SIPA1L1: variants seen among roughly 807,000 people sequenced by gnomAD.
SIPA1L1 encodes the protein signal-induced proliferation-associated 1-like protein 1.
A neutral mutation model predicts 162.7 loss-of-function variants in SIPA1L1; 26 were observed. That is an observed-to-expected ratio of 0.16 (90% CI 0.12 to 0.22). The LOEUF (loss-of-function observed/expected upper bound fraction) is 0.22, where lower values mean the gene tolerates loss of function less well. Among genes scored for constraint, SIPA1L1 ranks in the 10% least tolerant of loss-of-function variants. The pLI, the probability that SIPA1L1 is intolerant of heterozygous loss-of-function variation, is 1.00. For synonymous variants in SIPA1L1, 829 were observed against 837.4 expected (o/e 0.99, Z 0.17); for missense variants, 1,874 against 2,241.0 (o/e 0.84, Z 3.31).
chr14:71,639,267 A>T (rs2041464803), intron 7 of SIPA1L1, among the ~76,000 whole-genome samples: 1 of 152,134 alleles, frequency 6.6e-6, no homozygotes, highest in African/African-American at 2.4e-5. Flanking sequence ...AAATTTAACC[A>T]GGCATGGTGG....
chr14:71,663,273 C>T (rs2043701392), intron 10 of SIPA1L1, among the ~76,000 whole-genome samples: 1 of 152,100 alleles, frequency 6.6e-6, no homozygotes, highest in African/African-American at 2.4e-5. Context: ...TGACATCTTA[C>T]ATGGTTTTTT....
chr14:71,410,511 G>T (rs556828643), intron 2 of SIPA1L1, among the ~76,000 whole-genome samples: 2 of 152,266 alleles, frequency 1.3e-5, no homozygotes, highest in African/African-American at 4.8e-5. Context: ...CTTGGGACCG[G>T]AAGTGTTTAG....
At chr14:71,687,440 C>T (rs1238646061) in intron 13 of SIPA1L1, among the ~76,000 whole-genome samples, 2 of 152,170 alleles carry the variant, frequency 1.3e-5, no homozygotes, top group African/African-American at 2.4e-5. Flanking sequence ...CCTTTTCCCC[C>T]ACCTCAGTGC....
intron 2 of SIPA1L1, among the ~76,000 whole-genome samples, chr14:71,416,951 G>A (rs1399255081): frequency 6.6e-6 from 1 of 151,812 alleles, no homozygotes; most frequent in African/African-American, 2.4e-5. Context: ...TGGTCTCACT[G>A]TGTTGCCCAG....
chr14:71,428,889 G>A (rs1472218722), intron 2 of SIPA1L1, among the ~76,000 whole-genome samples: 1 of 152,166 alleles, frequency 6.6e-6, no homozygotes, highest in East Asian at 1.9e-4. Context: ...TGCAACTACG[G>A]TAAGAGCCAA....
At chr14:71,341,173 A>G (rs1594895868) in intron 2 of SIPA1L1, among the ~76,000 whole-genome samples, 2 of 152,222 alleles carry the variant, frequency 1.3e-5, no homozygotes, top group Admixed American at 1.3e-4. Flanking sequence ...TTTAATATGA[A>G]TAGCTAGGTG....
chr14:71,619,907 C>G (rs2039241652), intron 6 of SIPA1L1, among the ~76,000 whole-genome samples: 1 of 152,176 alleles, frequency 6.6e-6, no homozygotes. Context: ...GAGAAATGAA[C>G]TAACATACTC....
At chr14:71,673,696 T>C (rs1045405457) in intron 12 of SIPA1L1, among the ~76,000 whole-genome samples, 3 of 152,216 alleles carry the variant, frequency 2.0e-5, no homozygotes, top group Non-Finnish European at 2.9e-5. Flanking sequence ...TATGTCAAAA[T>C]ATAGAAAAAT....
At chr14:71,502,394 A>G (rs1387833956) in intron 2 of SIPA1L1, among the ~76,000 whole-genome samples, 3 of 151,126 alleles carry the variant, frequency 2.0e-5, no homozygotes, top group African/African-American at 4.9e-5. Flanking sequence ...ACATGCTACC[A>G]TGCCTGGCAA....
chr14:71,637,792 G>A lies in SIPA1L1; in HGVS notation c.1819-12543G>A, dbSNP rs745685020. Among the ~76,000 whole-genome samples, 4 of 152,128 alleles carry A rather than the reference G, an allele frequency of 2.6e-5. 1 individual carries two copies. In the Middle Eastern group the frequency reaches 0.014, roughly 517 times the overall value. On this transcript the variant is annotated intron_variant, in intron 7 of 23. Transcript: ENST00000381232. ...AAAACATGGTATATAGTTATATAGG[G>A]TTCGGTACTATCCATGGTTTCAGGC...
At chr14:71,701,656 T>C (rs1294375744) in intron 14 of SIPA1L1, among the ~76,000 whole-genome samples, 7 of 152,374 alleles carry the variant, frequency 4.6e-5, no homozygotes, top group East Asian at 3.9e-4. Flanking sequence ...TTTGTTGATA[T>C]TGCTAGTCAA....
chr14:71,428,501 G>A (rs911533272), intron 2 of SIPA1L1, among the ~76,000 whole-genome samples: 19 of 151,770 alleles, frequency 1.3e-4, no homozygotes, highest in African/African-American at 4.4e-4. Flanking sequence ...ACCTTTCCCT[G>A]ACCATGCATG....
intron 12 of SIPA1L1, among the ~76,000 whole-genome samples, chr14:71,683,285 A>G (rs906555127): frequency 6.6e-6 from 1 of 152,246 alleles, no homozygotes. Flanking sequence ...CCCAAAATAC[A>G]TAATAATAAA....
At chr14:71,737,615 G>A (rs545420932) in intron 22 of SIPA1L1, among the ~76,000 whole-genome samples, 5 of 152,244 alleles carry the variant, frequency 3.3e-5, no homozygotes, top group South Asian at 2.1e-4. Context: ...CATGATTAGC[G>A]TGCCATAAAC....
chr14:71,728,977 C>T (rs2084495564), intron 19 of SIPA1L1, among the ~76,000 whole-genome samples: 1 of 152,158 alleles, frequency 6.6e-6, no homozygotes, highest in African/African-American at 2.4e-5. Context: ...ACATCTGGAA[C>T]TATTTGTCAT....
chr14:71,373,706 C>T (rs1424121535), intron 2 of SIPA1L1, among the ~76,000 whole-genome samples: 2 of 150,910 alleles, frequency 1.3e-5, no homozygotes, highest in Non-Finnish European at 3.0e-5. Context: ...ATATACTTTT[C>T]AAAATTTTAT....
At chr14:71,711,304 A>G (rs545820198) in intron 17 of SIPA1L1, among the ~76,000 whole-genome samples, 2 of 152,350 alleles carry the variant, frequency 1.3e-5, no homozygotes, top group South Asian at 2.1e-4. Flanking sequence ...TGCCATAACC[A>G]TATAGACAGA....
At chr14:71,652,009 A>G (rs1340255748) in intron 8 of SIPA1L1, among the ~76,000 whole-genome samples, 2 of 152,212 alleles carry the variant, frequency 1.3e-5, no homozygotes, top group Non-Finnish European at 2.9e-5. Flanking sequence ...TCCTTTAAGT[A>G]GTTCAACTTT....
intron 4 of SIPA1L1, among the ~76,000 whole-genome samples, chr14:71,568,412 A>G (rs749955184): frequency 2.0e-5 from 3 of 152,206 alleles, no homozygotes; most frequent in Non-Finnish European, 4.4e-5. Context: ...AAGCATCAGT[A>G]TGGTGAGGGC....
Sources: allele counts gnomAD v4.1 joint callset (sites outside exome capture counted in the v4.1 genomes callset), GRCh38; gene constraint gnomAD v4.1.1; transcripts MANE v1.5; gene names NCBI Gene and HGNC (gene_info 2026-07-23, HGNC 2026-07-21).